Variants in HTR2C observed in about 807,000 individuals in gnomAD.
The protein encoded by HTR2C is 5-hydroxytryptamine (serotonin) receptor 2C, G protein-coupled.
In HTR2C, 5 loss-of-function variants were observed where a neutral mutation model predicts 21.0. That is an observed-to-expected ratio of 0.24 (90% CI 0.12 to 0.50). The LOEUF is 0.50. Ranked by LOEUF, HTR2C falls within the 20% of genes least tolerant of loss-of-function variation. HTR2C has a pLI of 0.98. For missense variants in HTR2C, 271 were observed against 371.2 expected (o/e 0.73, Z 2.22); for synonymous variants, 150 against 145.3 (o/e 1.03, Z -0.23).
intron 2 of HTR2C, among the ~76,000 whole-genome samples, chrX:114,722,030 A>C (rs1176159282): frequency 9.1e-6 from 1 of 109,872 alleles, no homozygotes; most frequent in Non-Finnish European, 1.9e-5. Context: ...TGAACTTTAA[A>C]GTATTTTTTT....
At chrX:114,836,691 A>G (rs1243502909) in intron 4 of HTR2C, among the ~76,000 whole-genome samples, 1 of 112,471 alleles carries the variant, frequency 8.9e-6, no homozygotes, top group Non-Finnish European at 1.9e-5. Flanking sequence ...TGGGAGCTGT[A>G]GACCAGAGCT....
chrX:114,731,219 G>T, intron 3 of HTR2C, 75 bp from the exon 4 acceptor site: 1 of 661,186 alleles, frequency 1.5e-6, no homozygotes, highest in Non-Finnish European at 2.3e-6. Flanking sequence ...AGAAGCAGTT[G>T]TTTTGCATGA....
intron 5 of HTR2C, among the ~76,000 whole-genome samples, chrX:114,894,549 C>T (rs1203077146): frequency 2.7e-5 from 3 of 110,168 alleles, no homozygotes; most frequent in African/African-American, 9.9e-5. Context: ...TGAAAATGTC[C>T]TATGTTTCAA....
chrX:114,855,420 G>A (rs1556470630), intron 5 of HTR2C, among the ~76,000 whole-genome samples: 5 of 110,842 alleles, frequency 4.5e-5, no homozygotes, highest in Admixed American at 2.9e-4. Context: ...AATCATATAC[G>A]TTGATAATCT....
intron 1 of HTR2C, among the ~76,000 whole-genome samples, chrX:114,586,561 T>G (rs1381531095): frequency 1.8e-5 from 2 of 111,083 alleles, no homozygotes; most frequent in African/African-American, 6.5e-5. Context: ...TTGGGGTGCT[T>G]TAGCAAAAAT....
At chrX:114,694,590 C>T (rs1449220666) in intron 2 of HTR2C, among the ~76,000 whole-genome samples, 3 of 108,916 alleles carry the variant, frequency 2.8e-5, no homozygotes, top group Non-Finnish European at 5.7e-5. Context: ...CAGGTTCAAA[C>T]GATTCTCCTG....
chrX:114,807,458 G>A (rs369018194), intron 4 of HTR2C, among the ~76,000 whole-genome samples: 11 of 22,589 alleles, frequency 4.9e-4, no homozygotes, highest in South Asian at 4.2e-3. Flanking sequence ...ATATATATAC[G>A]CCATATATAT....
rs782707534 is a variant in HTR2C, at chrX:114,736,459, G to C, written c.349+4852G>C. Among the ~76,000 whole-genome samples the C allele has an allele frequency of 4.5e-5, 5 of 111,833 alleles. No homozygotes were observed. The East Asian group carries it at 1.4e-3, about 32-fold the overall frequency. On this transcript the variant is annotated intron_variant, in intron 4 of 5. Transcript: ENST00000276198. ...AATGGTAAGACTAAAAAAGAAAGAT[G>C]CTTATTAATGATAAAAGAAAGCCAC...
chrX:114,605,476 C>T (rs1346069877), intron 1 of HTR2C, among the ~76,000 whole-genome samples: 148 of 110,543 alleles, frequency 1.3e-3, no homozygotes, highest in African/African-American at 4.3e-3. Flanking sequence ...AGATTTGGGA[C>T]GAGTTGCACT....
At chrX:114,604,342 C>G (rs782140173) in intron 1 of HTR2C, among the ~76,000 whole-genome samples, 1 of 110,110 alleles carries the variant, frequency 9.1e-6, no homozygotes, top group African/African-American at 3.3e-5. Flanking sequence ...TAAGTTGGCA[C>G]CAGAGTTGGG....
intron 2 of HTR2C, among the ~76,000 whole-genome samples, chrX:114,646,371 T>C (rs1456355838): frequency 8.9e-6 from 1 of 111,933 alleles, no homozygotes; most frequent in Non-Finnish European, 1.9e-5. Flanking sequence ...TTACAATTTT[T>C]TCCTAATCCA....
intron 4 of HTR2C, among the ~76,000 whole-genome samples, chrX:114,745,552 A>T (rs1239372768): frequency 8.9e-6 from 1 of 112,309 alleles, no homozygotes; most frequent in East Asian, 2.8e-4. Flanking sequence ...GAAGCAACCT[A>T]AATGTCCACC....
chrX:114,778,080 A>C (rs1294517697), intron 4 of HTR2C, among the ~76,000 whole-genome samples: 1 of 111,802 alleles, frequency 8.9e-6, no homozygotes, highest in Non-Finnish European at 1.9e-5. Flanking sequence ...TTCTCTGAAG[A>C]TATTTTTTAA....
intron 2 of HTR2C, among the ~76,000 whole-genome samples, chrX:114,633,514 A>G (rs1323753954): frequency 1.8e-5 from 2 of 111,578 alleles, no homozygotes; most frequent in Non-Finnish European, 1.9e-5. Context: ...AGATGGTGTA[A>G]CTGCCATTGT....
chrX:114,774,244 T>G (rs781819643), intron 4 of HTR2C, among the ~76,000 whole-genome samples: 3 of 111,552 alleles, frequency 2.7e-5, no homozygotes, highest in Non-Finnish European at 5.6e-5. Flanking sequence ...AATGATGGAA[T>G]GCATCAAATA....
chrX:114,811,970 G>T, intron 4 of HTR2C, among the ~76,000 whole-genome samples: 2 of 111,322 alleles, frequency 1.8e-5, no homozygotes, highest in South Asian at 7.6e-4. Context: ...TGGGGTACAT[G>T]TGCAGGATGT....
intron 5 of HTR2C, chrX:114,900,249 G>C (rs1248267544): frequency 7.4e-6 from 1 of 134,371 alleles, no homozygotes; most frequent in African/African-American, 3.2e-5. Context: ...TCATTAATCA[G>C]TTTTACTATT....
chrX:114,868,789 C>G lies in HTR2C; in HGVS notation c.550+20586C>G, dbSNP rs145791137. Among the ~76,000 whole-genome samples the G allele has an allele frequency of 5.4e-3, 598 of 111,615 alleles. 2 individuals are homozygous for G. The highest frequency in any genetic ancestry group is 9.0e-3 in the Non-Finnish European group (478 of 53,130). On this transcript the variant is annotated intron_variant, in intron 5 of 5. Transcript: ENST00000276198. Reference sequence around the variant, plus strand: ...GATACTTGCATTCCCACCAGCAATACATGAGGGCACCATTTTTCTTGGATT... The same window carrying G: ...GATACTTGCATTCCCACCAGCAATAGATGAGGGCACCATTTTTCTTGGATT...
chrX:114,596,745 A>G (rs1054131307), intron 1 of HTR2C, among the ~76,000 whole-genome samples: 2 of 111,958 alleles, frequency 1.8e-5, no homozygotes, highest in South Asian at 7.4e-4. Flanking sequence ...ATATCTAGAT[A>G]CCTTATCACT....
Sources: gnomAD v4.1 joint callset for allele counts (sites outside exome capture counted in the v4.1 genomes callset) on GRCh38, gnomAD v4.1.1 for gene constraint, MANE v1.5 for transcripts, NCBI Gene and HGNC (gene_info 2026-07-23, HGNC 2026-07-21) for gene names.